Variants in RARS1 observed in about 807,000 individuals in gnomAD.
RARS1 encodes the protein arginine--tRNA ligase, cytoplasmic.
RARS1 carries 75 observed loss-of-function variants against 78.7 expected under a neutral mutation model. That is an observed-to-expected ratio of 0.95 (90% CI 0.79 to 1.15). The LOEUF (loss-of-function observed/expected upper bound fraction) is 1.15, where lower values mean the gene tolerates loss of function less well. Ranked by LOEUF, RARS1 falls within the 50% of genes most tolerant of loss-of-function variation. The pLI is 0.00. For synonymous variants in RARS1, 273 were observed against 268.2 expected (o/e 1.02, Z -0.18); for missense variants, 787 against 787.5 (o/e 1.00, Z 0.01).
intron 11 of RARS1, among the ~76,000 whole-genome samples, chr5:168,509,031 C>T (rs1164528012): frequency 6.6e-6 from 1 of 151,922 alleles, no homozygotes; most frequent in Non-Finnish European, 1.5e-5. Flanking sequence ...AGATACGCAT[C>T]CCTCATTGTA....
intron 9 of RARS1, among the ~76,000 whole-genome samples, chr5:168,503,234 A>T: frequency 6.6e-6 from 1 of 152,224 alleles, no homozygotes; most frequent in East Asian, 1.9e-4. Flanking sequence ...TTTATCAGCT[A>T]TTTATGACCA....
chr5:168,495,516 C>A (rs1290334291), intron 6 of RARS1, 80 bp downstream of exon 6: 3 of 1,513,006 alleles, frequency 2.0e-6, no homozygotes, highest in Non-Finnish European at 2.7e-6. Flanking sequence ...GAATATCTCA[C>A]TCAAGAAAGA....
intron 3 of RARS1, among the ~76,000 whole-genome samples, chr5:168,493,486 G>A (rs192517481): frequency 2.6e-5 from 4 of 151,950 alleles, no homozygotes; most frequent in Non-Finnish European, 5.9e-5. Context: ...ACTTTGTTAT[G>A]TCATCATTAA....
chr5:168,493,717 T>A (rs1758129688), intron 3 of RARS1, among the ~76,000 whole-genome samples, 177 bp from the exon 4 acceptor site: 1 of 152,130 alleles, frequency 6.6e-6, no homozygotes, highest in Admixed American at 6.5e-5. Context: ...GGGCACTTTC[T>A]ATGCCTCTTG....
intron 1 of RARS1, 55 bp from the exon 2 acceptor site, chr5:168,488,547 A>G: frequency 1.3e-6 from 2 of 1,545,378 alleles, no homozygotes; most frequent in Admixed American, 2.0e-5. Context: ...CTTGGTAGAG[A>G]GGGGAAATGT....
Position 168,518,069 on chromosome 5 carries a change from G to GTATTTT in RARS1, c.1873+8_1873+9insATTTTT. 3.0e-6 allele frequency: 2 copies of GTATTTT among 675,656 alleles called. No individual in the cohort carries two copies. Among genetic ancestry groups the GTATTTT allele is most frequent in the Non-Finnish European group, 3.7e-6 (2 of 533,918 alleles). The allele number at this position is 675,656 out of a possible 1,614,324, so 41.9% of individuals were successfully genotyped here. On this transcript the variant is annotated splice_region_variant and intron_variant, in intron 14 of 14. Coordinates refer to ENST00000231572, the MANE Select transcript of RARS1 (RefSeq NM_002887.4). ...GAGAAAGATAGACAGACTGGTGAGT[G>GTATTTT]TCTTTTTTTTTTTTTTTTTTTTTTT... is the stretch of plus-strand genomic sequence containing the variant.
intron 12 of RARS1, among the ~76,000 whole-genome samples, chr5:168,515,701 G>A (rs1758651914): frequency 6.6e-6 from 1 of 152,196 alleles, no homozygotes; most frequent in African/African-American, 2.4e-5. Context: ...CCTTACTCCT[G>A]AAATATGGCC....
At chr5:168,487,399 C>G (rs888307090) in intron 1 of RARS1, among the ~76,000 whole-genome samples, 6 of 152,014 alleles carry the variant, frequency 3.9e-5, no homozygotes, top group Non-Finnish European at 7.4e-5. Context: ...CGGAACAGTT[C>G]CATTACCTTT....
At chr5:168,492,381 C>T (rs1467589231) in intron 2 of RARS1, among the ~76,000 whole-genome samples, 1 of 152,152 alleles carries the variant, frequency 6.6e-6, no homozygotes, top group Non-Finnish European at 1.5e-5. Flanking sequence ...AGGATTCCAT[C>T]AGCTCTTTTA....
chr5:168,513,285 C>T (rs542862098), intron 12 of RARS1, among the ~76,000 whole-genome samples: 13 of 147,788 alleles, frequency 8.8e-5, no homozygotes, highest in African/African-American at 2.8e-4. Flanking sequence ...GTCTCAATCT[C>T]GTGACCTCGT....
intron 2 of RARS1, among the ~76,000 whole-genome samples, chr5:168,490,558 C>T (rs1758062157): frequency 6.6e-6 from 1 of 152,128 alleles, no homozygotes; most frequent in Non-Finnish European, 1.5e-5. Context: ...AAATACTTTG[C>T]CCTACTGAAT....
chr5:168,499,376 G>A (rs970183586), intron 7 of RARS1, among the ~76,000 whole-genome samples: 7 of 151,982 alleles, frequency 4.6e-5, no homozygotes, highest in Non-Finnish European at 7.4e-5. Context: ...ATTTCCTCTC[G>A]GATATTTTGA....
In RARS1 at chr5:168,518,071, C is replaced by CTTGTTTTTTTTTTTTTTTTTTTTTTTT; in HGVS notation, c.1873+11_1873+12insGTTTTTTTTTTTTTTTTTTTTTTTTTT. 1.3e-6 allele frequency: 1 copy of CTTGTTTTTTTTTTTTTTTTTTTTTTTT among 747,560 alleles called. No individual in the cohort carries two copies. 46.3% of individuals were successfully genotyped at this position (747,560 alleles called of 1,614,324 possible). A position where few individuals can be genotyped will look rare whatever the true frequency, so the allele number is the denominator to read the frequency against. ...GAAAGATAGACAGACTGGTGAGTGT[C>CTTGTTTTTTTTTTTTTTTTTTTTTTTT]TTTTTTTTTTTTTTTTTTTTTTTTA... is the stretch of plus-strand genomic sequence containing the variant. On this transcript the variant is annotated intron_variant, in intron 14 of 14. Transcript: ENST00000231572.
chr5:168,492,733 T>A lies in RARS1; in HGVS notation c.255T>A (p.Gly85=). Residue 85 remains glycine (G), a synonymous_variant, in exon 3 of 15, where the codon GGT becomes GGA. Coordinates refer to ENST00000231572, the MANE Select transcript of RARS1 (RefSeq NM_002887.4). ...NIISRLQEVF[G]HAIKAAYPDL... Reference sequence around the variant, plus strand: ...TTAGCCGCCTACAAGAGGTCTTTGGTCATGCAATTAAGGCTGCATATCCAG... The same window carrying A: ...TTAGCCGCCTACAAGAGGTCTTTGGACATGCAATTAAGGCTGCATATCCAG... 1.2e-6 allele frequency: 2 copies of A among 1,612,982 alleles called. No individual in the cohort carries two copies. Among genetic ancestry groups the A allele is most frequent in the Non-Finnish European group, 1.7e-6 (2 of 1,178,944 alleles).
chr5:168,518,179 C>A, intron 14 of RARS1, 117 bp downstream of exon 14: 1 of 1,233,192 alleles, frequency 8.1e-7, no homozygotes, highest in African/African-American at 1.6e-5. Flanking sequence ...AAACTTCTGG[C>A]CTCAAGTGAT....
At chr5:168,494,738 T>C (rs1228822798) in intron 5 of RARS1, 88 bp downstream of exon 5, 3 of 955,342 alleles carry the variant, frequency 3.1e-6, no homozygotes, top group South Asian at 1.4e-5. Context: ...TCTCAGCTAC[T>C]TGGGAGGCTG....
At chr5:168,507,174 A>C (rs1210974988) in intron 11 of RARS1, among the ~76,000 whole-genome samples, 1 of 152,172 alleles carries the variant, frequency 6.6e-6, no homozygotes, top group African/African-American at 2.4e-5. Context: ...GCATTTGATA[A>C]ATGTTTTTGT....
Position 168,488,709 on chromosome 5 carries a change from A to G in RARS1, c.153A>G (p.Leu51=), listed in dbSNP as rs1561818319. The change falls in exon 2 of 15, where the codon TTA becomes TTG. Residue 51 remains leucine (L), a synonymous_variant. Transcript: ENST00000231572. Reference sequence around the variant, plus strand: ...AGTTACAAGAAGAAAATTTAAAATTAAAGTATCGACTGAATATTCTTCGAA... The same window carrying G: ...AGTTACAAGAAGAAAATTTAAAATTGAAGTATCGACTGAATATTCTTCGAA... The part of the protein sequence containing the change: ...LEQLQEENLK[L]KYRLNILRKS... The G allele has an allele frequency of 4.3e-6, 7 of 1,610,782 alleles. No individual in the cohort carries two copies. The Admixed American group carries it at 1.0e-4, about 23-fold the overall frequency.
At chr5:168,496,948 G>A (rs1372050983) in intron 6 of RARS1, 5 of 273,836 alleles carry the variant, frequency 1.8e-5, no homozygotes. Context: ...ACAGATTATA[G>A]TCCACTGACA....
Sources: allele counts gnomAD v4.1 joint callset (sites outside exome capture counted in the v4.1 genomes callset), GRCh38; gene constraint gnomAD v4.1.1; transcripts MANE v1.5; gene names NCBI Gene and HGNC (gene_info 2026-07-23, HGNC 2026-07-21).